The following ZNF717 variants were observed in gnomAD, a reference collection of about 807,000 sequenced individuals.
ZNF717 encodes krueppel-like factor X17.
ZNF717 carries 9 observed loss-of-function variants against 13.8 expected under a neutral mutation model. That is an observed-to-expected ratio of 0.65 (90% CI 0.39 to 1.14). ZNF717 has a LOEUF of 1.14. ZNF717 is among the 50% of genes most tolerant of loss of function. The pLI, the probability that ZNF717 is intolerant of heterozygous loss-of-function variation, is 0.01. For missense variants in ZNF717, 1,040 were observed against 1,080.7 expected (o/e 0.96, Z 0.53); for synonymous variants, 327 against 364.1 (o/e 0.90, Z 1.16).
intron 5 of ZNF717, among the ~76,000 whole-genome samples, chr3:75,712,934 C>T (rs1937970765): frequency 2.1e-5 from 3 of 144,710 alleles, no homozygotes; most frequent in African/African-American, 7.8e-5. Flanking sequence ...TTTTAAGGCA[C>T]ACTTTTATAT....
rs555572927 is a variant in ZNF717 at position 75,761,737 on chromosome 3, A to C, written c.58-20001T>G. ...TAAACTAACAATGAACAATCTGCAA[A>C]TAAAATTTTAAAAACAGAGGCCAGG... On this transcript the variant is annotated intron_variant, in intron 2 of 4. Coordinates refer to ENST00000652011, the MANE Select transcript of ZNF717 (RefSeq NM_001290208.3). 1.2e-4 allele frequency among the ~76,000 whole-genome samples: 19 copies of C among 152,368 alleles called. No individual in the cohort carries two copies. The South Asian group carries it at 3.9e-3, about 32-fold the overall frequency.
At chr3:75,747,119 G>A (rs57269551) in intron 2 of ZNF717, among the ~76,000 whole-genome samples, 14,181 of 152,076 alleles carry the variant, frequency 0.093, 1,135 homozygotes, top group African/African-American at 0.2. Context: ...GTTAAATAGG[G>A]AATGTTTTCC....
chr3:75,773,989 GCAGTGAAC>G (rs1944099986), intron 2 of ZNF717, among the ~76,000 whole-genome samples: 1 of 152,120 alleles, frequency 6.6e-6, no homozygotes, highest in Non-Finnish European at 1.5e-5. Flanking sequence ...GCAGGGGGTT[GCAGTGAAC>G]CAAGATCACA....
chr3:75,738,920 T>C lies in ZNF717; in HGVS notation c.703A>G (p.Thr235Ala). 1 of 1,551,530 alleles carries C rather than the reference T, an allele frequency of 6.4e-7. No individual in the cohort carries two copies. The highest frequency in any genetic ancestry group is 8.7e-7 in the Non-Finnish European group (1 of 1,146,974). The change falls in exon 5 of 5, where the codon ACC becomes GCC. Residue 235 changes from threonine (T) to alanine (A), a missense_variant. Thr to Ala is a moderately conservative substitution (Grantham distance 58). Around this residue, in one of 3 missense-constraint regions of ZNF717, gnomAD observed 873 missense variants for 832.8 expected, o/e 1.05. Coordinates refer to ENST00000652011, the MANE Select transcript of ZNF717 (RefSeq NM_001290208.3). ...FIHKRVHIVQ[T>A]FGKYNEYEKA... The stretch of plus-strand genomic sequence containing the variant: ...TCATATTCATTATATTTACCAAAGG[T>C]CTGTACTATATGAACCCTCTTATGT...
intron 2 of ZNF717, among the ~76,000 whole-genome samples, chr3:75,749,289 T>G (rs1941464151): frequency 6.6e-6 from 1 of 151,754 alleles, no homozygotes; most frequent in Non-Finnish European, 1.5e-5. Context: ...ACACTGCTAG[T>G]GTGTTCTGAA....
chr3:75,707,426 C>T (rs1254583178), downstream of ZNF717, among the ~76,000 whole-genome samples: 4 of 152,276 alleles, frequency 2.6e-5, no homozygotes, highest in African/African-American at 7.2e-5. Context: ...TACCGAGTCC[C>T]AGGGGATGCA....
At chr3:75,775,404 C>T (rs532733858) in intron 2 of ZNF717, among the ~76,000 whole-genome samples, 4 of 152,210 alleles carry the variant, frequency 2.6e-5, no homozygotes, top group Non-Finnish European at 5.9e-5. Flanking sequence ...CACAAGCATG[C>T]AAAATTCTAG....
intron 1 of ZNF717, chr3:75,785,022 G>A (rs1310919832): frequency 2.0e-5 from 3 of 152,182 alleles, no homozygotes; most frequent in Admixed American, 2.0e-4. Context: ...CAACCCAGGA[G>A]GACTAGGCAG....
At chr3:75,702,225 C>T (rs1559566187) in intron 6 of ZNF717, among the ~76,000 whole-genome samples, 1 of 152,312 alleles carries the variant, frequency 6.6e-6, no homozygotes, top group Non-Finnish European at 1.5e-5. Context: ...CCTAAATGTC[C>T]ATCAACAGAT....
chr3:75,719,403 C>G (rs1202990377), intron 4 of ZNF717, among the ~76,000 whole-genome samples: 1 of 152,052 alleles, frequency 6.6e-6, no homozygotes, highest in African/African-American at 2.4e-5. Flanking sequence ...GCAGCAAGCA[C>G]TAGGAATTTT....
intron 6 of ZNF717, among the ~76,000 whole-genome samples, chr3:75,696,719 CCT>C (rs1219322189): frequency 5.3e-5 from 8 of 152,288 alleles, no homozygotes; most frequent in African/African-American, 1.9e-4. Flanking sequence ...ATGGCAAAGC[CCT>C]GTCTCTACTA....
At chr3:75,714,455 A>G (rs1938007795) in intron 5 of ZNF717, among the ~76,000 whole-genome samples, 1 of 152,034 alleles carries the variant, frequency 6.6e-6, no homozygotes, top group Admixed American at 6.6e-5. Context: ...AGTGAGGATT[A>G]TTATAATATT....
intron 2 of ZNF717, among the ~76,000 whole-genome samples, chr3:75,769,080 C>T (rs188503142): frequency 1.8e-3 from 274 of 152,290 alleles, no homozygotes; most frequent in African/African-American, 5.9e-3. Flanking sequence ...CAGGTTCCTA[C>T]TATGCTTCTC....
At chr3:75,743,122 T>A (rs899178078) in intron 2 of ZNF717, among the ~76,000 whole-genome samples, 22 of 152,170 alleles carry the variant, frequency 1.4e-4, no homozygotes, top group Admixed American at 1.4e-3. Flanking sequence ...CATAATACTA[T>A]GATCTTCACA....
chr3:75,745,639 T>C (rs2107283772), intron 2 of ZNF717, among the ~76,000 whole-genome samples: 1 of 152,184 alleles, frequency 6.6e-6, no homozygotes, highest in African/African-American at 2.4e-5. Flanking sequence ...TACCCCTAGC[T>C]CTGATACCCA....
At chr3:75,731,642 G>A (rs1318070968), downstream of ZNF717, among the ~76,000 whole-genome samples, 28 of 152,324 alleles carry the variant, frequency 1.8e-4, no homozygotes, top group Middle Eastern at 3.4e-3. Context: ...GTCAGGTGTG[G>A]TGGCTCATGC....
At chr3:75,759,383 C>T (rs59983812) in intron 2 of ZNF717, among the ~76,000 whole-genome samples, 1 of 151,262 alleles carries the variant, frequency 6.6e-6, no homozygotes, top group East Asian at 1.9e-4. Context: ...TCACACCATT[C>T]TCCTGCCTCA....
rs113907537 is a variant in ZNF717 at position 75,738,147 on chromosome 3, T to G, written c.1476A>C (p.Ser492=). The change falls in exon 5 of 5, where the codon TCA becomes TCC. Residue 492 remains serine, a synonymous_variant. Coordinates refer to ENST00000652011, the MANE Select transcript of ZNF717 (RefSeq NM_001290208.3). ...GAGTCCATTGATGGATAGTGAGGAA[T>G]GACTTACGGTGAAACGTTTTCCCAC... ...NECGKTFHRK[S]FLTIHQWTHT... is the part of the protein sequence containing the mutation. 1 of 951,424 alleles carries G rather than the reference T, an allele frequency of 1.1e-6. No individual in the cohort carries two copies. The highest frequency in any genetic ancestry group is 1.6e-5 in the African/African-American group (1 of 63,618). The allele number at this position is 951,424 out of a possible 1,614,324, so 58.9% of individuals were successfully genotyped here. A position where few individuals can be genotyped will look rare whatever the true frequency, so the allele number is the denominator to read the frequency against.
chr3:75,712,907 TA>T (rs1170798356), intron 5 of ZNF717, among the ~76,000 whole-genome samples: 3 of 151,790 alleles, frequency 2.0e-5, no homozygotes, highest in Admixed American at 1.3e-4. Flanking sequence ...TTTTTCTTAT[TA>T]AAAATTCATC....
Sources: allele counts gnomAD v4.1 joint callset (sites outside exome capture counted in the v4.1 genomes callset), GRCh38; gene constraint gnomAD v4.1.1; regional missense constraint gnomAD v4.1.1; transcripts MANE v1.5; gene names NCBI Gene and HGNC (gene_info 2026-07-23, HGNC 2026-07-21).